The following ADK variants were observed in gnomAD, a reference collection of about 807,000 sequenced individuals.
ADK encodes N6,N6-dimethyladenosine kinase.
A neutral mutation model predicts 44.7 loss-of-function variants in ADK; 24 were observed. That is an observed-to-expected ratio of 0.54 (90% CI 0.39 to 0.76). The LOEUF is 0.76. ADK is among the 30% of genes least tolerant of loss of function. The pLI, the probability that ADK is intolerant of heterozygous loss-of-function variation, is 0.00. For missense variants in ADK, 321 were observed against 425.1 expected (o/e 0.76, Z 2.15); for synonymous variants, 128 against 142.6 (o/e 0.90, Z 0.73).
intron 7 of ADK, among the ~76,000 whole-genome samples, chr10:74,553,254 G>A (rs981572150): frequency 1.5e-5 from 2 of 130,316 alleles, no homozygotes; most frequent in Non-Finnish European, 3.1e-5. Flanking sequence ...AGGCTGGAGT[G>A]CAGTGGTGCA....
At chr10:74,277,127 A>G (rs1032912205) in intron 3 of ADK, among the ~76,000 whole-genome samples, 8 of 152,128 alleles carry the variant, frequency 5.3e-5, no homozygotes, top group Admixed American at 2.6e-4. Flanking sequence ...CCATTTGGCC[A>G]GGCTGATCTC....
chr10:74,496,176 A>G (rs2133423127), intron 6 of ADK, among the ~76,000 whole-genome samples: 1 of 152,328 alleles, frequency 6.6e-6, no homozygotes, highest in Middle Eastern at 3.4e-3. Flanking sequence ...ATGCAGTCAC[A>G]GCTCACTTCA....
At chr10:74,354,432 C>T (rs982604773) in intron 4 of ADK, among the ~76,000 whole-genome samples, 17 of 152,184 alleles carry the variant, frequency 1.1e-4, no homozygotes, top group Admixed American at 3.3e-4. Flanking sequence ...TAACATTCTT[C>T]GATAATTATT....
intron 6 of ADK, among the ~76,000 whole-genome samples, chr10:74,403,690 G>A (rs771281150): frequency 4.6e-5 from 7 of 152,070 alleles, no homozygotes; most frequent in African/African-American, 9.7e-5. Flanking sequence ...AACCCCTTGC[G>A]CTTCCCAGGT....
At chr10:74,449,035 T>C (rs1362814523) in intron 6 of ADK, among the ~76,000 whole-genome samples, 2 of 152,126 alleles carry the variant, frequency 1.3e-5, no homozygotes, top group Non-Finnish European at 2.9e-5. Flanking sequence ...TAAGATTTAT[T>C]TGTTGGTTGA....
At chr10:74,163,979 C>A (rs1841969693) in intron 1 of ADK, among the ~76,000 whole-genome samples, 1 of 152,160 alleles carries the variant, frequency 6.6e-6, no homozygotes, top group South Asian at 2.1e-4. Context: ...AAGATTGAAG[C>A]CATTAAGCCG....
chr10:74,281,326 T>C (rs1215691635), intron 3 of ADK, among the ~76,000 whole-genome samples: 2 of 152,258 alleles, frequency 1.3e-5, no homozygotes, highest in Non-Finnish European at 2.9e-5. Flanking sequence ...AATGGTAATT[T>C]TATGCCCTCT....
intron 3 of ADK, among the ~76,000 whole-genome samples, chr10:74,243,552 T>C (rs1339872712): frequency 2.0e-5 from 3 of 152,258 alleles, no homozygotes; most frequent in African/African-American, 7.2e-5. Flanking sequence ...TACTCAGGAC[T>C]AATTTCAGTT....
chr10:74,186,207 CTTCCCTTCCT>C (rs1225073792), intron 1 of ADK, among the ~76,000 whole-genome samples: 1 of 137,120 alleles, frequency 7.3e-6, no homozygotes, highest in South Asian at 2.3e-4. Context: ...CTTCCCTTCC[CTTCCCTTCCT>C]TTCCCTTCCC....
At chr10:74,180,456 CTTTTTT>C (rs1199684944) in intron 1 of ADK, among the ~76,000 whole-genome samples, 2 of 68,246 alleles carry the variant, frequency 2.9e-5, no homozygotes, top group South Asian at 4.6e-4. Context: ...CCAGGCTAGT[CTTTTTT>C]TTTTTTTTTT....
chr10:74,219,198 A>C (rs979102425), intron 2 of ADK, among the ~76,000 whole-genome samples: 1 of 151,746 alleles, frequency 6.6e-6, no homozygotes, highest in Non-Finnish European at 1.5e-5. Flanking sequence ...TGGAAAACAA[A>C]AAAAGGCAGG....
chr10:74,464,118 C>A (rs952704989), intron 6 of ADK, among the ~76,000 whole-genome samples: 7 of 151,882 alleles, frequency 4.6e-5, no homozygotes, highest in Non-Finnish European at 7.4e-5. Flanking sequence ...AAACAGTGGC[C>A]ACCAAGAAAA....
intron 4 of ADK, among the ~76,000 whole-genome samples, chr10:74,316,798 A>G (rs774306852): frequency 6.6e-6 from 1 of 152,280 alleles, no homozygotes; most frequent in Non-Finnish European, 1.5e-5. Context: ...GCCTTCTAAA[A>G]GTTTATTAAT....
chr10:74,583,559 G>A (rs1851438388), intron 7 of ADK, among the ~76,000 whole-genome samples: 1 of 152,068 alleles, frequency 6.6e-6, no homozygotes, highest in African/African-American at 2.4e-5. Flanking sequence ...CACTTGCTTT[G>A]AAGTTTTGGT....
At chr10:74,637,551 T>C (rs1413319998) in intron 9 of ADK, among the ~76,000 whole-genome samples, 1 of 152,254 alleles carries the variant, frequency 6.6e-6, no homozygotes, top group Non-Finnish European at 1.5e-5. Context: ...TGCATTGATA[T>C]ATGAGAAGGC....
At chr10:74,271,122 C>T (rs1031948849) in intron 3 of ADK, among the ~76,000 whole-genome samples, 10 of 152,092 alleles carry the variant, frequency 6.6e-5, no homozygotes, top group African/African-American at 7.2e-5. Context: ...TACTTATAAA[C>T]AGAGGCTTCT....
chr10:74,264,229 A>G (rs1177674927), intron 3 of ADK, among the ~76,000 whole-genome samples: 1 of 152,212 alleles, frequency 6.6e-6, no homozygotes, highest in Non-Finnish European at 1.5e-5. Context: ...CACATGTTGC[A>G]CTTCAGTAGA....
chr10:74,280,136 G>A (rs1420862361), intron 3 of ADK, among the ~76,000 whole-genome samples: 1 of 151,906 alleles, frequency 6.6e-6, no homozygotes, highest in Non-Finnish European at 1.5e-5. Context: ...TGATATCTGT[G>A]TTTTTTTGTT....
At chr10:74,376,645 T>C (rs1449245031) in intron 4 of ADK, among the ~76,000 whole-genome samples, 1 of 152,162 alleles carries the variant, frequency 6.6e-6, no homozygotes, top group Non-Finnish European at 1.5e-5. Context: ...TAATATCCAA[T>C]TTAGATTTGC....
Sources: gnomAD v4.1 joint callset for allele counts (sites outside exome capture counted in the v4.1 genomes callset) on GRCh38, gnomAD v4.1.1 for gene constraint, MANE v1.5 for transcripts, NCBI Gene and HGNC (gene_info 2026-07-23, HGNC 2026-07-21) for gene names.